The following MED15 variants were observed in gnomAD, a reference collection of about 807,000 sequenced individuals.
MED15 encodes mediator complex subunit 15.
Under a neutral mutation model 118.7 loss-of-function variants are expected in MED15, and 41 were observed. That is an observed-to-expected ratio of 0.35 (90% CI 0.27 to 0.45). The LOEUF is 0.45. Among genes scored for constraint, MED15 ranks in the 20% least tolerant of loss-of-function variants. The probability of loss-of-function intolerance (pLI) is 1.00; values close to 1 mark genes in which losing one functional copy is unlikely to be tolerated. For synonymous variants in MED15, 436 were observed against 413.9 expected, an observed-to-expected ratio of 1.05 and a Z score of -0.65; for missense variants, 740 against 1,025.5, an observed-to-expected ratio of 0.72 and a Z score of 3.80.
chr22:20,566,526 A>ACAGCAGCAGCAG lies in MED15; in HGVS notation c.775_786dup (p.Gln259_Gln262dup). The ACAGCAGCAGCAG allele has an allele frequency of 1.6e-3, 2,500 of 1,601,754 alleles. 3 individuals are homozygous for ACAGCAGCAGCAG. Among genetic ancestry groups the ACAGCAGCAGCAG allele is most frequent in the Middle Eastern group, 0.011 (68 of 5,984 alleles). ...CACAGCTGCAGCTCCAACAACAGCA[A>ACAGCAGCAGCAG]CAGCAGCAGCAGCAGCAGCAGCAGC... On this transcript the variant is annotated inframe_insertion, in exon 7 of 18. Coordinates refer to ENST00000263205, the MANE Select transcript of MED15 (RefSeq NM_001003891.3).
intron 6 of MED15, among the ~76,000 whole-genome samples, chr22:20,565,729 C>T (rs1235231120): frequency 6.6e-6 from 1 of 152,254 alleles, no homozygotes; most frequent in Non-Finnish European, 1.5e-5. Context: ...AGGCTCATGC[C>T]ACTGACCTAT....
At chr22:20,551,522 T>A in intron 3 of MED15, 35 bp downstream of exon 3, 1 of 1,601,618 alleles carries the variant, frequency 6.2e-7, no homozygotes, top group Non-Finnish European at 8.6e-7. Flanking sequence ...GTTGTTGAGA[T>A]CTCTGTGAGA....
At chr22:20,511,526 C>T (rs961066009) in intron 1 of MED15, among the ~76,000 whole-genome samples, 16 of 151,646 alleles carry the variant, frequency 1.1e-4, no homozygotes, top group Non-Finnish European at 5.9e-5. Flanking sequence ...TGAGTTTTGA[C>T]AGAGAAGAAA....
chr22:20,528,284 C>G (rs574670413), intron 1 of MED15, among the ~76,000 whole-genome samples: 8 of 152,134 alleles, frequency 5.3e-5, no homozygotes. Flanking sequence ...AGTCCTTCCT[C>G]CAGAACAATG....
At chr22:20,553,024 A>C (rs2055844228) in intron 3 of MED15, 121 bp from the exon 4 acceptor site, 1 of 854,938 alleles carries the variant, frequency 1.2e-6, no homozygotes, top group Non-Finnish European at 1.9e-6. Context: ...AGTGGGGAGT[A>C]CTAGGAGCTC....
intron 1 of MED15, among the ~76,000 whole-genome samples, chr22:20,529,721 T>C (rs1309300225): frequency 6.6e-6 from 1 of 152,236 alleles, no homozygotes; most frequent in African/African-American, 2.4e-5. Context: ...TACCTCAGCC[T>C]CCCGAGTAGC....
At chr22:20,522,511 A>C (rs2054498382) in intron 1 of MED15, among the ~76,000 whole-genome samples, 1 of 152,212 alleles carries the variant, frequency 6.6e-6, no homozygotes, top group Admixed American at 6.5e-5. Flanking sequence ...TAAGGAAATA[A>C]GTGGTAGGAT....
intron 5 of MED15, among the ~76,000 whole-genome samples, chr22:20,556,933 A>G (rs2056035953): frequency 6.6e-6 from 1 of 152,174 alleles, no homozygotes; most frequent in Non-Finnish European, 1.5e-5. Context: ...TTTTATCAGT[A>G]ATTCATTCCT....
intron 1 of MED15, among the ~76,000 whole-genome samples, chr22:20,520,846 C>G (rs1475822414): frequency 6.6e-6 from 1 of 152,058 alleles, no homozygotes; most frequent in East Asian, 1.9e-4. Flanking sequence ...CTCAAGCAAT[C>G]TTCCCACCTC....
At position 20,586,899 on chromosome 22, in the gene MED15, G is replaced by C. The variant is rs1004875726; in HGVS notation, c.*195G>C. ...TGGGATAGGCGCAGTGGAGCGGGTTGCTTGGGGGGCGTTGGCCGACTTCTT... is the reference window on the plus strand; with the variant it reads ...TGGGATAGGCGCAGTGGAGCGGGTTCCTTGGGGGGCGTTGGCCGACTTCTT... On this transcript the variant is annotated 3_prime_UTR_variant, in exon 18 of 18. Transcript: ENST00000263205. 9.3e-6 allele frequency: 8 copies of C among 860,514 alleles called. No individual in the cohort carries two copies. The highest frequency in any genetic ancestry group is 1.0e-5 in the Non-Finnish European group (6 of 584,506). 53.3% of individuals were successfully genotyped at this position (860,514 alleles called of 1,614,324 possible). A position where few individuals can be genotyped will look rare whatever the true frequency, so the allele number is the denominator to read the frequency against.
At chr22:20,516,190 G>A (rs1331659456) in intron 1 of MED15, among the ~76,000 whole-genome samples, 1 of 151,374 alleles carries the variant, frequency 6.6e-6, no homozygotes, top group Non-Finnish European at 1.5e-5. Flanking sequence ...GTACATGCCT[G>A]TAATCCCAGC....
intron 1 of MED15, among the ~76,000 whole-genome samples, chr22:20,521,481 C>G (rs908244011): frequency 1.3e-4 from 19 of 151,442 alleles, no homozygotes; most frequent in Middle Eastern, 3.2e-3. Flanking sequence ...ACTGCAAGCT[C>G]TGCCTCCCGG....
chr22:20,531,681 T>G (rs2054868662), intron 1 of MED15, among the ~76,000 whole-genome samples: 1 of 152,236 alleles, frequency 6.6e-6, no homozygotes, highest in Non-Finnish European at 1.5e-5. Context: ...GTACCACTCC[T>G]TGTGTTAAAA....
At chr22:20,536,996 G>A (rs944072439) in intron 1 of MED15, 121 bp from the exon 2 acceptor site, 7 of 787,072 alleles carry the variant, frequency 8.9e-6, no homozygotes, top group Non-Finnish European at 1.4e-5. Flanking sequence ...CAGCCAGGCT[G>A]GTGTGCTGGC....
intron 9 of MED15, chr22:20,582,158 G>T (rs781338762): frequency 8.9e-5 from 20 of 223,508 alleles, no homozygotes; most frequent in Non-Finnish European, 1.6e-4. Context: ...CAGTCAGCCT[G>T]GGGGCTGCGG....
chr22:20,511,829 C>T (rs1186900729), intron 1 of MED15, among the ~76,000 whole-genome samples: 5 of 152,022 alleles, frequency 3.3e-5, no homozygotes, highest in Non-Finnish European at 7.4e-5. Flanking sequence ...GTAGCCACTG[C>T]CCTGCTGCAG....
chr22:20,517,823 G>C (rs77931322), intron 1 of MED15, among the ~76,000 whole-genome samples: 4,532 of 152,086 alleles, frequency 0.03, 228 homozygotes, highest in African/African-American at 0.1. Context: ...CAACCAGTCA[G>C]CTCAGCTGGG....
In MED15 at chr22:20,568,923, T is replaced by C. The variant is rs1177571419; in HGVS notation, c.1152+292T>C. 2.6e-5 allele frequency among the ~76,000 whole-genome samples: 4 copies of C among 152,296 alleles called. No individual in the cohort carries two copies. The East Asian group carries it at 7.7e-4, about 29-fold the overall frequency. On this transcript the variant is annotated intron_variant, in intron 8 of 17. Transcript: ENST00000263205. ...GCCACTCTGAGTGACTCTGGGAACATGTATCAGAGAGTAGAAGGCTGCAGT... is the reference window on the plus strand; with the variant it reads ...GCCACTCTGAGTGACTCTGGGAACACGTATCAGAGAGTAGAAGGCTGCAGT...
intron 6 of MED15, 32 bp downstream of exon 6, chr22:20,564,720 C>G (rs2056372629): frequency 1.2e-6 from 2 of 1,613,434 alleles, no homozygotes; most frequent in South Asian, 1.1e-5. Flanking sequence ...CTCTTGGCCT[C>G]CCTCCTGCAG....
Sources: gnomAD v4.1 joint callset for allele counts (sites outside exome capture counted in the v4.1 genomes callset) on GRCh38, gnomAD v4.1.1 for gene constraint, MANE v1.5 for transcripts, NCBI Gene and HGNC (gene_info 2026-07-23, HGNC 2026-07-21) for gene names.